Variants in PPP4C observed in about 807,000 individuals in gnomAD.
PPP4C encodes the protein protein phosphatase 4 catalytic subunit.
PPP4C carries 10 observed loss-of-function variants against 40.5 expected under a neutral mutation model. That is an observed-to-expected ratio of 0.25 (90% CI 0.15 to 0.42). The LOEUF (loss-of-function observed/expected upper bound fraction) is 0.42. Among genes scored for constraint, PPP4C ranks in the 10% least tolerant of loss-of-function variants. PPP4C has a pLI of 1.00. For missense variants in PPP4C, 191 were observed against 416.4 expected (o/e 0.46, Z 4.71); for synonymous variants, 187 against 163.6 (o/e 1.14, Z -1.09).
Position 30,085,074 on chromosome 16 carries a change from C to A in PPP4C, c.*12C>A. The A allele has an allele frequency of 6.2e-7, 1 of 1,612,650 alleles. No individual in the cohort carries two copies. Among genetic ancestry groups the A allele is most frequent in the Non-Finnish European group, 8.5e-7 (1 of 1,179,530 alleles). ...ACTACTTCCTGTGACCCCGCCCGGC[C>A]CCTGCCCCCTCCAACCCTTCTGGCC... On this transcript the variant is annotated 3_prime_UTR_variant, in exon 9 of 9. Coordinates refer to ENST00000279387, the MANE Select transcript of PPP4C (RefSeq NM_002720.3).
intron 7 of PPP4C, among the ~76,000 whole-genome samples, chr16:30,084,314 C>G (rs1363624172): frequency 6.6e-6 from 1 of 152,236 alleles, no homozygotes; most frequent in African/African-American, 2.4e-5. Flanking sequence ...CACACACATG[C>G]AGCCGCTGCT....
At chr16:30,082,332 G>C in intron 3 of PPP4C, 152 bp from the exon 4 acceptor site, 1 of 763,748 alleles carries the variant, frequency 1.3e-6, no homozygotes, top group Non-Finnish European at 2.3e-6. Context: ...TTCCAGACCA[G>C]ACTGACTTGG....
intron 2 of PPP4C, among the ~76,000 whole-genome samples, chr16:30,080,145 G>A (rs1007788057): frequency 6.6e-6 from 1 of 151,912 alleles, no homozygotes; most frequent in Non-Finnish European, 1.5e-5. Context: ...AGGAGTTCGA[G>A]ACCAGCCTGG....
intron 2 of PPP4C, among the ~76,000 whole-genome samples, chr16:30,080,548 C>A (rs1452129445): frequency 6.8e-6 from 1 of 147,636 alleles, no homozygotes; most frequent in Non-Finnish European, 1.5e-5. Context: ...GCTCTGTCGC[C>A]CAGGCTGGAG....
chr16:30,076,556 T>G, intron 2 of PPP4C, 81 bp downstream of exon 2: 1 of 1,395,026 alleles, frequency 7.2e-7, no homozygotes, highest in Non-Finnish European at 9.9e-7. Context: ...CTGAGAACTT[T>G]GGGCTTGCCT....
rs1019101025 is a variant in PPP4C, at chr16:30,085,245, CCT to C, written c.*189_*190del. ...GGAGACCTAGCTCCATGTTCCTCCT[CCT>C]CTCTCCCCACTTGAACCATGAAGTT... On this transcript the variant is annotated 3_prime_UTR_variant, in exon 9 of 9. Coordinates refer to ENST00000279387, the MANE Select transcript of PPP4C (RefSeq NM_002720.3). 1.3e-5 allele frequency: 7 copies of C among 544,390 alleles called. No individual in the cohort carries two copies. The highest frequency in any genetic ancestry group is 1.0e-4 in the Admixed American group (3 of 29,682). 33.7% of individuals were successfully genotyped at this position (544,390 alleles called of 1,614,324 possible).
rs751427272 is a variant in PPP4C, at chr16:30,083,390, C to T, written c.304-4C>T. The T allele has an allele frequency of 5.0e-6, 8 of 1,605,614 alleles. 1 individual carries two copies. The Admixed American group carries it at 5.0e-5, about 10-fold the overall frequency. ...GCCAGCCCTGGCTTGGTGGCCACCC[C>T]CAGGTTCGCTATCCTGATCGCATCA... On this transcript the variant is annotated splice_region_variant and splice_polypyrimidine_tract_variant and intron_variant, in intron 5 of 8. Coordinates refer to ENST00000279387, the MANE Select transcript of PPP4C (RefSeq NM_002720.3). This position sits in a 1 kb window ranked among gnomAD's most constrained non-coding sequence, Gnocchi z 6.3.
chr16:30,082,718 C>T (rs1395310919), intron 4 of PPP4C, 28 bp from the exon 5 acceptor site: 2 of 1,600,512 alleles, frequency 1.2e-6, no homozygotes, highest in African/African-American at 2.7e-5. Context: ...CTGTTTACGA[C>T]AGGGCAAAAC....
At chr16:30,080,369 T>C (rs889187585) in intron 2 of PPP4C, among the ~76,000 whole-genome samples, 10 of 143,522 alleles carry the variant, frequency 7.0e-5, no homozygotes, top group Non-Finnish European at 1.5e-4. Flanking sequence ...AAAAAAAAAA[T>C]TGGGTGTCTT....
chr16:30,079,672 G>A (rs2072467445), intron 2 of PPP4C, among the ~76,000 whole-genome samples: 1 of 152,200 alleles, frequency 6.6e-6, no homozygotes, highest in East Asian at 1.9e-4. Flanking sequence ...CAGAAAGCCA[G>A]GGCAGACCTC....
chr16:30,080,832 C>T (rs1206138827), intron 2 of PPP4C, among the ~76,000 whole-genome samples: 1 of 152,102 alleles, frequency 6.6e-6, no homozygotes, highest in Non-Finnish European at 1.5e-5. Context: ...AAGGCGCATC[C>T]ACTGTGGGCC....
chr16:30,082,876 A>T (rs1443918118), intron 5 of PPP4C, 29 bp downstream of exon 5: 1 of 1,584,636 alleles, frequency 6.3e-7, no homozygotes, highest in African/African-American at 1.3e-5. Flanking sequence ...TGCACCCCCA[A>T]CCTGGGCGAC....
Position 30,083,505 on chromosome 16 carries a change from G to A in PPP4C, c.415G>A (p.Val139Met). 1.2e-6 allele frequency: 2 copies of A among 1,614,106 alleles called. No individual in the cohort carries two copies. The highest frequency in any genetic ancestry group is 1.7e-6 in the Non-Finnish European group (2 of 1,180,024). Residue 139 changes from valine to methionine, a missense_variant, in exon 6 of 9, where the codon GTG becomes ATG. By Grantham distance (21) the Val-to-Met change is conservative. Coordinates refer to ENST00000279387, the MANE Select transcript of PPP4C (RefSeq NM_002720.3). This position sits in a 1 kb window ranked among gnomAD's most constrained non-coding sequence, Gnocchi z 6.3. ...CCTGCGCAAGTACGGCTCGGTGACT[G>A]TGTGGCGCTACTGCACTGAGATCTT... is the stretch of plus-strand genomic sequence containing the variant. ...ECLRKYGSVT[V>M]WRYCTEIFDY...
Position 30,083,259 on chromosome 16 carries a change from G to A in PPP4C, c.304-135G>A, listed in dbSNP as rs944048528. The A allele has an allele frequency of 9.6e-7, 1 of 1,042,238 alleles. No homozygotes were observed. The highest frequency in any genetic ancestry group is 2.1e-5 in the Admixed American group (1 of 47,084). The allele number at this position is 1,042,238 out of a possible 1,614,324, so 64.6% of individuals were successfully genotyped here. A position where few individuals can be genotyped will look rare whatever the true frequency, so the allele number is the denominator to read the frequency against. On this transcript the variant is annotated intron_variant, in intron 5 of 8. Transcript: ENST00000279387. This position sits in a 1 kb window ranked among gnomAD's most constrained non-coding sequence, Gnocchi z 6.3. ...GCCTGGGAGGTGGCTGATGCCACAC[G>A]ATTCAGGCAAGAGGTGCCAGGAGTG...
In PPP4C at chr16:30,085,196, G is replaced by A. The variant is rs922938820; in HGVS notation, c.*134G>A. 6 of 1,167,592 alleles carry A rather than the reference G, an allele frequency of 5.1e-6. No individual in the cohort carries two copies. In the Middle Eastern group the frequency reaches 9.0e-4, roughly 175 times the overall value. 72.3% of individuals were successfully genotyped at this position (1,167,592 alleles called of 1,614,324 possible). ...TGTCCCCCAAGAGGGTGCTTCGAGG[G>A]TGAGGACTTCTCTGGAGAGGCCTGG... is the stretch of plus-strand genomic sequence containing the variant. On this transcript the variant is annotated 3_prime_UTR_variant, in exon 9 of 9. Coordinates refer to ENST00000279387, the MANE Select transcript of PPP4C (RefSeq NM_002720.3).
chr16:30,083,424 C>G lies in PPP4C; in HGVS notation c.334C>G (p.Arg112Gly), dbSNP rs2072548030. The G allele has an allele frequency of 6.2e-7, 1 of 1,613,862 alleles. No homozygotes were observed. The highest frequency in any genetic ancestry group is 8.5e-7 in the Non-Finnish European group (1 of 1,179,994). ...CTATCCTGATCGCATCACACTGATC[C>G]GGGGCAACCATGAGAGTCGCCAGAT... ...VRYPDRITLIRGNHESRQITQ... is the reference protein window; with the variant it reads ...VRYPDRITLIGGNHESRQITQ... Residue 112 changes from arginine to glycine, a missense_variant, in exon 6 of 9, where the codon CGG becomes GGG. Around this residue, in one of 3 missense-constraint regions of PPP4C, gnomAD observed 171 missense variants for 352.4 expected, o/e 0.49. Transcript: ENST00000279387. This position sits in a 1 kb window ranked among gnomAD's most constrained non-coding sequence, Gnocchi z 6.3.
Position 30,083,370 on chromosome 16 carries a change from C to A in PPP4C, c.304-24C>A. 1 of 1,600,392 alleles carries A rather than the reference C, an allele frequency of 6.2e-7. No homozygotes were observed. The highest frequency in any genetic ancestry group is 1.1e-5 in the South Asian group (1 of 90,644). On this transcript the variant is annotated intron_variant, in intron 5 of 8. Coordinates refer to ENST00000279387, the MANE Select transcript of PPP4C (RefSeq NM_002720.3). This position sits in a 1 kb window ranked among gnomAD's most constrained non-coding sequence, Gnocchi z 6.3. ...TGTGGAGAGACCGTCTAGGCGCCAG[C>A]CCTGGCTTGGTGGCCACCCCCAGGT...
intron 2 of PPP4C, among the ~76,000 whole-genome samples, chr16:30,078,084 CT>C (rs2072436899): frequency 6.6e-6 from 1 of 152,222 alleles, no homozygotes; most frequent in Non-Finnish European, 1.5e-5. Context: ...TTGCCTGGCA[CT>C]ATTCTTTAAC....
rs547575197 is a variant in PPP4C at position 30,085,102 on chromosome 16, C to G, written c.*40C>G. ...TGCCCCCTCCAACCCTTCTGGCCCT[C>G]GCACCACTGTGACTCTGCCATCTTC... On this transcript the variant is annotated 3_prime_UTR_variant, in exon 9 of 9. Coordinates refer to ENST00000279387, the MANE Select transcript of PPP4C (RefSeq NM_002720.3). The G allele has an allele frequency of 5.6e-6, 9 of 1,603,252 alleles. No individual in the cohort carries two copies. Among genetic ancestry groups the G allele is most frequent in the Non-Finnish European group, 7.7e-6 (9 of 1,173,706 alleles).
Sources: allele counts gnomAD v4.1 joint callset (sites outside exome capture counted in the v4.1 genomes callset), GRCh38; gene constraint gnomAD v4.1.1; regional missense constraint gnomAD v4.1.1; non-coding constraint Gnocchi (gnomAD v3.1); transcripts MANE v1.5; gene names NCBI Gene and HGNC (gene_info 2026-07-23, HGNC 2026-07-21).